The following PRR33 variants were observed in gnomAD, a reference collection of about 807,000 sequenced individuals.
PRR33 encodes proline-rich protein 33.
PRR33 carries 1 observed loss-of-function variant against 0.5 expected under a neutral mutation model. That is an observed-to-expected ratio of 2.18 (90% CI 0.77 to 10.34). The LOEUF (loss-of-function observed/expected upper bound fraction) is 10.34, where lower values mean the gene tolerates loss of function less well. PRR33 is among the 30% of genes most tolerant of loss of function. PRR33 has a pLI of 0.13. For missense variants in PRR33, 552 were observed against 251.8 expected (o/e 2.19, Z -8.07); for synonymous variants, 226 against 110.0 (o/e 2.06, Z -6.60).
chr11:1,911,575 G>A, the PRR33 span, among the ~76,000 whole-genome samples: 3 of 151,892 alleles, frequency 2.0e-5, no homozygotes, highest in South Asian at 2.1e-4. Context: ...CCACCACCAC[G>A]CCTGGCTAAT....
the PRR33 span, among the ~76,000 whole-genome samples, chr11:1,901,005 A>C: frequency 6.6e-6 from 1 of 152,206 alleles, no homozygotes; most frequent in Admixed American, 6.5e-5. Flanking sequence ...AGGAATAAGC[A>C]AGGAGGTTAG....
chr11:1,908,554 GT>G, the PRR33 span, among the ~76,000 whole-genome samples: 2 of 151,902 alleles, frequency 1.3e-5, no homozygotes, highest in African/African-American at 2.4e-5. Context: ...TCTTGTTTGG[GT>G]TTTTTTAGAG....
chr11:1,912,823 T>A, the PRR33 span, among the ~76,000 whole-genome samples: 1 of 152,160 alleles, frequency 6.6e-6, no homozygotes, highest in Non-Finnish European at 1.5e-5. Context: ...CCCAGACTGA[T>A]CTGGAACTCC....
At chr11:1,893,818 T>C (rs1849085406), upstream of PRR33, among the ~76,000 whole-genome samples, 1 of 147,770 alleles carries the variant, frequency 6.8e-6, no homozygotes, top group African/African-American at 2.5e-5. Flanking sequence ...AATGGAGGGA[T>C]GGATGTGTGG....
chr11:1,889,381 C>T (rs939462095), exon 1 of PRR33: 1 of 705,466 alleles, frequency 1.4e-6, no homozygotes, highest in Non-Finnish European at 2.6e-6. Context: ...AGCACGGCAT[C>T]CCACATCCTG....
chr11:1,916,427 C>G, the PRR33 span, among the ~76,000 whole-genome samples: 2 of 152,128 alleles, frequency 1.3e-5, no homozygotes, highest in South Asian at 4.1e-4. Context: ...GTGCCCCCAT[C>G]CTTTCTCAGA....
chr11:1,895,466 T>G (rs1162048195), upstream of PRR33, among the ~76,000 whole-genome samples: 2 of 152,228 alleles, frequency 1.3e-5, no homozygotes, highest in Non-Finnish European at 2.9e-5. Context: ...CTTGATGAAA[T>G]AGATTTGCAA....
chr11:1,914,169 G>A, the PRR33 span, among the ~76,000 whole-genome samples: 1 of 152,268 alleles, frequency 6.6e-6, no homozygotes, highest in Non-Finnish European at 1.5e-5. Context: ...CTGTGGGGGT[G>A]CAGGCCCACG....
chr11:1,889,212 G>C (rs1848879500), exon 1 of PRR33: 3 of 676,488 alleles, frequency 4.4e-6, no homozygotes, highest in South Asian at 3.2e-5. Context: ...CTCCAGGATG[G>C]AGCGGACTGT....
At chr11:1,896,438 C>T (rs755109119), upstream of PRR33, among the ~76,000 whole-genome samples, 1 of 152,158 alleles carries the variant, frequency 6.6e-6, no homozygotes, top group African/African-American at 2.4e-5. Flanking sequence ...ATGTCAATAT[C>T]TGATAGTTGA....
chr11:1,914,378 G>A, the PRR33 span, among the ~76,000 whole-genome samples: 1 of 151,570 alleles, frequency 6.6e-6, no homozygotes, highest in South Asian at 2.1e-4. Flanking sequence ...TGCTCCTTAT[G>A]TGTGTGTGTG....
upstream of PRR33, among the ~76,000 whole-genome samples, chr11:1,894,224 AGTGTGTGTGT>A (rs71025790): frequency 1.6e-5 from 2 of 127,630 alleles, no homozygotes; most frequent in Admixed American, 7.8e-5. Flanking sequence ...GGAGTGTGGG[AGTGTGTGTGT>A]GTGTGTGTGT....
chr11:1,890,871 T>C lies in PRR33; in HGVS notation c.-287A>G, dbSNP rs1280837791. ...CCTGCCTCCAGGGCTCTGTCCTCCA[T>C]GCCACCCCAGCACAAAGCAGGCCCC... On this transcript the variant is annotated 5_prime_UTR_variant, in exon 1 of 1. It removes an upstream start codon present in the reference 5' UTR. Coordinates refer to ENST00000640310, the Ensembl canonical transcript of PRR33. The C allele has an allele frequency of 2.2e-6, 1 of 457,418 alleles. No homozygotes were observed. The highest frequency in any genetic ancestry group is 4.0e-6 in the Non-Finnish European group (1 of 252,496). The allele number at this position is 457,418 out of a possible 1,614,324, so 28.3% of individuals were successfully genotyped here. A position where few individuals can be genotyped will look rare whatever the true frequency, so the allele number is the denominator to read the frequency against.
chr11:1,909,534 C>T, the PRR33 span, among the ~76,000 whole-genome samples: 2 of 152,182 alleles, frequency 1.3e-5, no homozygotes, highest in Admixed American at 6.5e-5. Flanking sequence ...TTGCTTGAAC[C>T]CAGGAGTCGG....
chr11:1,888,105 T>C (rs1848832429), exon 1 of PRR33, among the ~76,000 whole-genome samples: 1 of 152,144 alleles, frequency 6.6e-6, no homozygotes, highest in Admixed American at 6.5e-5. Flanking sequence ...CATTTATTAG[T>C]GACCTGGGCC....
the PRR33 span, among the ~76,000 whole-genome samples, chr11:1,903,730 C>T: frequency 6.6e-6 from 1 of 152,120 alleles, no homozygotes; most frequent in African/African-American, 2.4e-5. Flanking sequence ...GATGAAGGAT[C>T]CCATTTTACA....
the PRR33 span, among the ~76,000 whole-genome samples, chr11:1,913,912 A>G: frequency 2.0e-5 from 3 of 152,184 alleles, no homozygotes; most frequent in Non-Finnish European, 2.9e-5. Context: ...CCCAGTCCCA[A>G]TTGCAGGATG....
At chr11:1,889,948 TG>T in the PRR33 span, 1 of 626,486 alleles carries the variant, frequency 1.6e-6, no homozygotes, top group Admixed American at 2.8e-5. Context: ...GGACTTGGGG[TG>T]GCATCTCCAT....
chr11:1,889,067 A>T, exon 1 of PRR33: 1 of 577,066 alleles, frequency 1.7e-6, no homozygotes. Flanking sequence ...TGCAGCAACT[A>T]TGGGCCCCCA....
Sources: gnomAD v4.1 joint callset for allele counts (sites outside exome capture counted in the v4.1 genomes callset) on GRCh38, gnomAD v4.1.1 for gene constraint, MANE v1.5 for transcripts, NCBI Gene and HGNC (gene_info 2026-07-23, HGNC 2026-07-21) for gene names.